MSTO1: variants seen among roughly 807,000 people sequenced by gnomAD.
MSTO1 encodes misato mitochondrial distribution and morphology regulator 1.
In MSTO1, 24 loss-of-function variants were observed where a neutral mutation model predicts 55.7. That is an observed-to-expected ratio of 0.43 (90% CI 0.31 to 0.61). The LOEUF (loss-of-function observed/expected upper bound fraction) is 0.61. MSTO1 is among the 20% of genes least tolerant of loss of function. The pLI is 0.09. For missense variants in MSTO1, 363 were observed against 625.7 expected, an observed-to-expected ratio of 0.58 and a Z score of 4.48; for synonymous variants, 162 against 252.8, an observed-to-expected ratio of 0.64 and a Z score of 3.41.
chr1:155,605,258 C>CACAAA (rs112109642), upstream of MSTO1, among the ~76,000 whole-genome samples: 3,303 of 151,132 alleles, frequency 0.022, 44 homozygotes, highest in Middle Eastern at 0.041. Flanking sequence ...AAGACTCCAT[C>CACAAA]ACAAAACAAA....
upstream of MSTO1, chr1:155,610,010 G>C (rs1307260591): frequency 4.2e-5 from 23 of 545,292 alleles, no homozygotes; most frequent in Non-Finnish European, 7.1e-5. Context: ...CGTGGAGCAG[G>C]AGCAACGGCG....
the MSTO1 span, among the ~76,000 whole-genome samples, chr1:155,594,172 C>T: frequency 1.3e-5 from 2 of 151,828 alleles, no homozygotes; most frequent in East Asian, 1.9e-4. Context: ...GAGACCGAGG[C>T]GGGTGGATCA....
chr1:155,591,227 G>T, the MSTO1 span: 1 of 1,610,972 alleles, frequency 6.2e-7, no homozygotes, highest in Non-Finnish European at 8.5e-7. Flanking sequence ...GCAGTGTCAG[G>T]ACGACTCCCA....
the MSTO1 span, among the ~76,000 whole-genome samples, chr1:155,581,334 A>T: frequency 6.6e-6 from 1 of 152,166 alleles, no homozygotes; most frequent in African/African-American, 2.4e-5. Flanking sequence ...CTTGAGGCAG[A>T]TAATGGGGAA....
the MSTO1 span, chr1:155,563,782 A>G: frequency 1.4e-5 from 5 of 354,384 alleles, no homozygotes; most frequent in Non-Finnish European, 2.2e-5. Flanking sequence ...AATGTGTGAA[A>G]TAATAAGATA....
chr1:155,578,761 CGG>C, the MSTO1 span, among the ~76,000 whole-genome samples: 7 of 150,878 alleles, frequency 4.6e-5, no homozygotes, highest in African/African-American at 1.7e-4. Context: ...CCGCCCGCCT[CGG>C]CCTCCCAAAG....
the MSTO1 span, among the ~76,000 whole-genome samples, chr1:155,595,512 G>A: frequency 1.4e-5 from 2 of 141,150 alleles, no homozygotes; most frequent in Non-Finnish European, 3.1e-5. Context: ...TTTTTGAGAT[G>A]GAGTCTTACT....
At chr1:155,598,586 G>A in the MSTO1 span, among the ~76,000 whole-genome samples, 262 of 152,240 alleles carry the variant, frequency 1.7e-3, no homozygotes, top group Non-Finnish European at 3.0e-3. Context: ...GCCAGGCGTG[G>A]TGGTACACAC....
chr1:155,594,816 GA>G, the MSTO1 span, among the ~76,000 whole-genome samples: 1 of 152,028 alleles, frequency 6.6e-6, no homozygotes, highest in African/African-American at 2.4e-5. Flanking sequence ...TATGAAAGAT[GA>G]AACATCAAAG....
chr1:155,575,097 C>T, the MSTO1 span, among the ~76,000 whole-genome samples: 1 of 151,958 alleles, frequency 6.6e-6, no homozygotes, highest in Non-Finnish European at 1.5e-5. Context: ...AAATTCCTGA[C>T]CTCGGGTGAT....
At chr1:155,613,267 G>A (rs760378078) in intron 11 of MSTO1, 34 bp downstream of exon 11, 3 of 1,600,674 alleles carry the variant, frequency 1.9e-6, no homozygotes, top group Non-Finnish European at 2.6e-6. Context: ...GTCCTTGTCA[G>A]ATTTTTGTCT....
the MSTO1 span, chr1:155,563,526 G>C: frequency 2.2e-6 from 1 of 456,236 alleles, no homozygotes; most frequent in Non-Finnish European, 4.4e-6. Flanking sequence ...ACCCTCCTCG[G>C]ATTTCTCGAA....
chr1:155,603,951 T>C, the MSTO1 span, among the ~76,000 whole-genome samples: 1 of 152,146 alleles, frequency 6.6e-6, no homozygotes, highest in Non-Finnish European at 1.5e-5. Context: ...TTTGACAGTC[T>C]AAATACAGTC....
At chr1:155,598,942 T>C in the MSTO1 span, 2 of 1,270,076 alleles carry the variant, frequency 1.6e-6, no homozygotes, top group Non-Finnish European at 2.3e-6. Context: ...TTGTCTTCTC[T>C]CTGTTAGGTT....
chr1:155,580,455 G>A, the MSTO1 span, among the ~76,000 whole-genome samples: 3 of 151,702 alleles, frequency 2.0e-5, no homozygotes, highest in Non-Finnish European at 4.4e-5. Flanking sequence ...GGATCATTTC[G>A]GCCTGAGAGT....
the MSTO1 span, among the ~76,000 whole-genome samples, chr1:155,597,946 A>G: frequency 0.02 from 3,092 of 150,938 alleles, 105 homozygotes; most frequent in African/African-American, 0.072. Flanking sequence ...TCTCCCCAGT[A>G]TCTGGGATTA....
the MSTO1 span, among the ~76,000 whole-genome samples, chr1:155,571,587 T>C: frequency 6.6e-6 from 1 of 152,170 alleles, no homozygotes; most frequent in Admixed American, 6.6e-5. Context: ...TTGGAGAAGT[T>C]AGCACTGTTG....
the MSTO1 span, among the ~76,000 whole-genome samples, chr1:155,578,668 G>A: frequency 2.0e-5 from 3 of 150,908 alleles, no homozygotes; most frequent in African/African-American, 4.9e-5. Flanking sequence ...CCGCCACCGC[G>A]CCCGGCTAAT....
chr1:155,598,008 G>GGCT, the MSTO1 span, among the ~76,000 whole-genome samples: 1 of 151,618 alleles, frequency 6.6e-6, no homozygotes, highest in Non-Finnish European at 1.5e-5. Flanking sequence ...AGTAGAAACA[G>GGCT]GGTTTCACCA....
Sources: allele counts gnomAD v4.1 joint callset (sites outside exome capture counted in the v4.1 genomes callset), GRCh38; gene constraint gnomAD v4.1.1; transcripts MANE v1.5; gene names NCBI Gene and HGNC (gene_info 2026-07-23, HGNC 2026-07-21).